Variants in ALPK1 observed in about 807,000 individuals in gnomAD.
ALPK1 encodes alpha kinase 1.
In ALPK1, 110 loss-of-function variants were observed where a neutral mutation model predicts 120.6. That is an observed-to-expected ratio of 0.91 (90% CI 0.78 to 1.07). The LOEUF is 1.07. ALPK1 is among the 50% of genes least tolerant of loss of function. The pLI is 0.00. For missense variants in ALPK1, 1,498 were observed against 1,483.9 expected, an observed-to-expected ratio of 1.01 and a Z score of -0.16; for synonymous variants, 582 against 560.3, an observed-to-expected ratio of 1.04 and a Z score of -0.55.
intron 5 of ALPK1, among the ~76,000 whole-genome samples, chr4:112,417,506 G>T (rs1378333120): frequency 6.6e-6 from 1 of 151,894 alleles, no homozygotes; most frequent in Non-Finnish European, 1.5e-5. Flanking sequence ...ATTTTTTGGG[G>T]GACACGATCT....
intron 4 of ALPK1, 61 bp from the exon 5 acceptor site, chr4:112,411,765 GC>G (rs1399067355): frequency 5.3e-6 from 8 of 1,514,154 alleles, no homozygotes; most frequent in Non-Finnish European, 7.2e-6. Context: ...CCCACGCTAA[GC>G]CTGGCCCTCA....
At position 112,432,512 on chromosome 4, in the gene ALPK1, C is replaced by T. The variant is rs754444910; in HGVS notation, c.2965C>T (p.His989Tyr). The T allele has an allele frequency of 2.5e-6, 4 of 1,614,124 alleles. No homozygotes were observed. In the South Asian group the frequency reaches 4.4e-5, roughly 18 times the overall value. ...DFEKLLAGVR[H>Y]DWLFQRLENT... ...TGAAAAGCTGTTGGCAGGAGTGAGG[C>T]ATGATTGGCTGTTTCAGAGACTAGA... Residue 989 changes from histidine (H) to tyrosine (Y), a missense_variant, in exon 11 of 16, where the codon CAT (histidine) becomes TAT (tyrosine). Coordinates refer to ENST00000650871, the MANE Select transcript of ALPK1 (RefSeq NM_025144.4).
intron 2 of ALPK1, among the ~76,000 whole-genome samples, chr4:112,347,853 A>AC (rs1730166381): frequency 1.3e-5 from 1 of 76,758 alleles, no homozygotes; most frequent in Non-Finnish European, 3.3e-5. Flanking sequence ...TGTAAAAGCT[A>AC]ATATGTTTCA....
intron 1 of ALPK1, among the ~76,000 whole-genome samples, chr4:112,314,104 A>T (rs2110535683): frequency 6.6e-6 from 1 of 152,312 alleles, no homozygotes; most frequent in East Asian, 1.9e-4. Flanking sequence ...TAGTGCCCAA[A>T]TGGAGTGCTT....
At chr4:112,429,352 G>C (rs983890948) in intron 10 of ALPK1, 99 bp downstream of exon 10, 5 of 911,556 alleles carry the variant, frequency 5.5e-6, no homozygotes, top group Non-Finnish European at 6.7e-6. Flanking sequence ...CTTCAAACAG[G>C]CTTTGTGTCT....
At chr4:112,398,606 A>C (rs977299704) in intron 4 of ALPK1, among the ~76,000 whole-genome samples, 12 of 152,164 alleles carry the variant, frequency 7.9e-5, no homozygotes, top group Non-Finnish European at 1.8e-4. Context: ...GCTGGCCTAA[A>C]TTTTATTTTA....
At chr4:112,338,733 A>G (rs1310549232) in intron 2 of ALPK1, among the ~76,000 whole-genome samples, 1 of 152,262 alleles carries the variant, frequency 6.6e-6, no homozygotes, top group Non-Finnish European at 1.5e-5. Context: ...TACATTAACT[A>G]TAAATAAATT....
intron 12 of ALPK1, among the ~76,000 whole-genome samples, chr4:112,437,666 A>T (rs1360564999): frequency 6.6e-6 from 1 of 152,168 alleles, no homozygotes; most frequent in Non-Finnish European, 1.5e-5. Context: ...TGCAGCCTCC[A>T]CTATCAGATT....
chr4:112,376,942 A>AT lies in ALPK1; in HGVS notation c.-100-727dup, dbSNP rs373158035. On this transcript the variant is annotated intron_variant, in intron 2 of 15. Transcript: ENST00000650871. ...ATGTTTTTCTATGAATTTGTCAGGCATTTTTTTTTGCGCTGTTAGTAAGTT... is the reference window on the plus strand; with the variant it reads ...ATGTTTTTCTATGAATTTGTCAGGCATTTTTTTTTTGCGCTGTTAGTAAGTT... 3.3e-3 allele frequency among the ~76,000 whole-genome samples: 504 copies of AT among 151,164 alleles called. 1 individual carries two copies. The highest frequency in any genetic ancestry group is 6.9e-3 in the African/African-American group (285 of 41,210).
In ALPK1 at chr4:112,393,224, G is replaced by T. The variant is rs575624842; in HGVS notation, c.276+10672G>T. Among the ~76,000 whole-genome samples the T allele has an allele frequency of 2.0e-3, 310 of 152,330 alleles. 2 individuals carry two copies. The highest frequency in any genetic ancestry group is 6.8e-3 in the African/African-American group (282 of 41,568). ...CCAAAGAAATACAATCCCACTGTGT[G>T]CCCAGAAGGAGAAGACCCAGAAATA... is the stretch of plus-strand genomic sequence containing the variant. On this transcript the variant is annotated intron_variant, in intron 4 of 15. Coordinates refer to ENST00000650871, the MANE Select transcript of ALPK1 (RefSeq NM_025144.4).
In ALPK1 at chr4:112,440,784, A is replaced by T. The variant is rs1045326214; in HGVS notation, c.3539-133A>T. The T allele has an allele frequency of 6.5e-6, 8 of 1,229,970 alleles. No individual in the cohort carries two copies. In the Admixed American group the frequency reaches 9.6e-5, roughly 15 times the overall value. 76.2% of individuals were successfully genotyped at this position (1,229,970 alleles called of 1,614,324 possible). ...GAATTTACTAACTATAAACCACAGG[A>T]TGGCCAAGTTTTTGAATTATCTCTT... On this transcript the variant is annotated intron_variant, in intron 14 of 15. Coordinates refer to ENST00000650871, the MANE Select transcript of ALPK1 (RefSeq NM_025144.4).
intron 5 of ALPK1, chr4:112,412,438 A>G: frequency 2.2e-6 from 1 of 460,480 alleles, no homozygotes. Context: ...CTAAGCTGAC[A>G]ATAGAGCTGA....
chr4:112,354,892 A>G (rs968765777), intron 2 of ALPK1, among the ~76,000 whole-genome samples: 7 of 152,150 alleles, frequency 4.6e-5, no homozygotes, highest in African/African-American at 1.7e-4. Context: ...GAATGTCTTT[A>G]TTATTCTTGA....
intron 1 of ALPK1, among the ~76,000 whole-genome samples, chr4:112,300,859 T>C (rs1727754998): frequency 6.6e-6 from 1 of 152,192 alleles, no homozygotes; most frequent in South Asian, 2.1e-4. Flanking sequence ...GTCATGTCTT[T>C]GTATATACTC....
At chr4:112,362,459 C>T (rs1467333300) in intron 2 of ALPK1, among the ~76,000 whole-genome samples, 1 of 152,090 alleles carries the variant, frequency 6.6e-6, no homozygotes, top group Non-Finnish European at 1.5e-5. Flanking sequence ...GTCTCAGCAA[C>T]AGAATTGAAC....
intron 2 of ALPK1, among the ~76,000 whole-genome samples, chr4:112,366,357 A>C (rs992046796): frequency 2.0e-5 from 3 of 152,166 alleles, no homozygotes; most frequent in Admixed American, 2.0e-4. Flanking sequence ...AGAAAAAAAA[A>C]CAAACAATTC....
intron 4 of ALPK1, among the ~76,000 whole-genome samples, chr4:112,385,408 C>A (rs1331526900): frequency 1.3e-5 from 2 of 152,178 alleles, no homozygotes; most frequent in East Asian, 3.9e-4. Context: ...CACTCAGTAG[C>A]AGCTCTAAGG....
intron 4 of ALPK1, among the ~76,000 whole-genome samples, chr4:112,403,628 C>T (rs1157668870): frequency 6.6e-6 from 1 of 152,166 alleles, no homozygotes; most frequent in Non-Finnish European, 1.5e-5. Flanking sequence ...CCTGAAGAGA[C>T]ACAAACAGAT....
At chr4:112,340,216 C>A (rs13125971) in intron 2 of ALPK1, among the ~76,000 whole-genome samples, 102 of 152,296 alleles carry the variant, frequency 6.7e-4, no homozygotes, top group Non-Finnish European at 1.1e-3. Context: ...AGCCTTAGTG[C>A]GCTGGGAGCA....
Sources: gnomAD v4.1 joint callset for allele counts (sites outside exome capture counted in the v4.1 genomes callset) on GRCh38, gnomAD v4.1.1 for gene constraint, MANE v1.5 for transcripts, NCBI Gene and HGNC (gene_info 2026-07-23, HGNC 2026-07-21) for gene names.